ABCA13: variants seen among roughly 807,000 people sequenced by gnomAD.
ABCA13 encodes ATP binding cassette subfamily A member 13, also known as ATP-binding cassette sub-family A member 13.
In ABCA13, 476 loss-of-function variants were observed where a neutral mutation model predicts 478.7. That is an observed-to-expected ratio of 0.99 (90% confidence interval 0.92 to 1.07). The LOEUF (loss-of-function observed/expected upper bound fraction) is 1.07, where lower values mean the gene tolerates loss of function less well. Ranked by LOEUF, ABCA13 falls within the 50% of genes least tolerant of loss-of-function variation. The pLI is 0.00. For missense variants in ABCA13, 6,060 were observed against 5,910.6 expected (o/e 1.03, Z -0.83); for synonymous variants, 2,252 against 2,158.9 (o/e 1.04, Z -1.20).
intron 31 of ABCA13, among the ~76,000 whole-genome samples, chr7:48,366,818 A>G (rs573897706): frequency 7.2e-5 from 11 of 152,238 alleles, no homozygotes; most frequent in African/African-American, 1.9e-4. Flanking sequence ...ATACCATCAC[A>G]TGGGCAATTA....
intron 44 of ABCA13, among the ~76,000 whole-genome samples, chr7:48,468,344 T>C (rs1435043163): frequency 6.6e-6 from 1 of 152,216 alleles, no homozygotes; most frequent in Non-Finnish European, 1.5e-5. Context: ...ATCAGCCTCA[T>C]AGCTTTTCTC....
chr7:48,306,257 C>T (rs1800889748), intron 23 of ABCA13, among the ~76,000 whole-genome samples: 1 of 152,144 alleles, frequency 6.6e-6, no homozygotes, highest in Non-Finnish European at 1.5e-5. Flanking sequence ...AATTTCAGGA[C>T]AAATATTTTT....
At chr7:48,438,730 G>T (rs550880726) in intron 42 of ABCA13, among the ~76,000 whole-genome samples, 2 of 150,762 alleles carry the variant, frequency 1.3e-5, no homozygotes, top group African/African-American at 4.9e-5. Flanking sequence ...TCATTTTATC[G>T]CTCTCCTCTC....
At chr7:48,294,438 T>TGG (rs1422718102) in intron 20 of ABCA13, among the ~76,000 whole-genome samples, 3 of 73,254 alleles carry the variant, frequency 4.1e-5, no homozygotes, top group African/African-American at 1.5e-4. Context: ...TTTTTTTTTT[T>TGG]TTTGTTTTGT....
intron 15 of ABCA13, among the ~76,000 whole-genome samples, chr7:48,255,265 A>T (rs1472695584): frequency 6.6e-6 from 1 of 152,180 alleles, no homozygotes; most frequent in East Asian, 1.9e-4. Context: ...TGCTGACGTC[A>T]GACTAATTAG....
chr7:48,596,718 A>G (rs1490130118), intron 58 of ABCA13, among the ~76,000 whole-genome samples: 1 of 151,812 alleles, frequency 6.6e-6, no homozygotes, highest in African/African-American at 2.4e-5. Flanking sequence ...GAATGTCATG[A>G]GACCGGGAGG....
intron 19 of ABCA13, among the ~76,000 whole-genome samples, chr7:48,286,902 T>C (rs185646941): frequency 1.8e-3 from 280 of 152,350 alleles, no homozygotes; most frequent in Non-Finnish European, 3.4e-3. Flanking sequence ...ATTTTATTTC[T>C]TATAAAAATG....
intron 48 of ABCA13, among the ~76,000 whole-genome samples, chr7:48,497,796 A>G (rs748768253): frequency 1.3e-5 from 2 of 152,144 alleles, no homozygotes; most frequent in Non-Finnish European, 2.9e-5. Context: ...GGCCCTGATG[A>G]CGCTGGGGAC....
At chr7:48,249,112 T>C (rs568972728) in intron 14 of ABCA13, 100 bp from the exon 15 acceptor site, 2 of 988,832 alleles carry the variant, frequency 2.0e-6, no homozygotes, top group Non-Finnish European at 3.0e-6. Context: ...TGGACTGCCA[T>C]GCATTTGCAT....
chr7:48,457,875 A>T (rs1166417495), intron 43 of ABCA13, among the ~76,000 whole-genome samples: 1 of 152,266 alleles, frequency 6.6e-6, no homozygotes, highest in African/African-American at 2.4e-5. Flanking sequence ...AGGAAAAAGT[A>T]AAAAGCTACC....
intron 27 of ABCA13, among the ~76,000 whole-genome samples, chr7:48,330,054 CA>C (rs1379624752): frequency 6.0e-5 from 9 of 151,122 alleles, no homozygotes; most frequent in African/African-American, 2.2e-4. Context: ...TCCATCCATC[CA>C]TCCATCCATC....
At chr7:48,596,155 G>A (rs183866716) in intron 58 of ABCA13, among the ~76,000 whole-genome samples, 1 of 152,332 alleles carries the variant, frequency 6.6e-6, no homozygotes, top group African/African-American at 2.4e-5. Flanking sequence ...TGGCTGCAAA[G>A]CCAATGTATT....
At chr7:48,198,892 T>A (rs1798297074) in intron 3 of ABCA13, among the ~76,000 whole-genome samples, 1 of 152,192 alleles carries the variant, frequency 6.6e-6, no homozygotes, top group Non-Finnish European at 1.5e-5. Flanking sequence ...TGTGGTTGCC[T>A]ACAGTGTCAG....
intron 27 of ABCA13, among the ~76,000 whole-genome samples, chr7:48,324,789 C>T (rs545956488): frequency 6.6e-6 from 1 of 152,284 alleles, no homozygotes; most frequent in African/African-American, 2.4e-5. Context: ...GGCGTTTGTT[C>T]CTTGGGAACG....
At position 48,476,733 on chromosome 7, in the gene ABCA13, T is replaced by C. The variant is rs560946338; in HGVS notation, c.12976-4303T>C. Among the ~76,000 whole-genome samples the C allele has an allele frequency of 7.7e-4, 117 of 152,142 alleles. 2 individuals are homozygous for C. In the South Asian group the frequency reaches 0.015, roughly 20 times the overall value. ...TTTGTTGGGGACAGATTTTCAGAGGTGTCTAGTCCTCTGAAACTTCTAAGG... is the reference window on the plus strand; with the variant it reads ...TTTGTTGGGGACAGATTTTCAGAGGCGTCTAGTCCTCTGAAACTTCTAAGG... On this transcript the variant is annotated intron_variant, in intron 45 of 61. Transcript: ENST00000435803.
Position 48,278,885 on chromosome 7 carries a change from A to G in ABCA13, c.7691A>G (p.Gln2564Arg). The G allele has an allele frequency of 1.2e-6, 2 of 1,613,400 alleles. No homozygotes were observed. Among genetic ancestry groups the G allele is most frequent in the East Asian group, 2.2e-5 (1 of 44,876 alleles). The change falls in exon 18 of 62, where the codon CAA becomes CGA. Residue 2564 changes from glutamine (Q) to arginine (R), a missense_variant. Gln to Arg is a conservative substitution (Grantham distance 43). Transcript: ENST00000435803. ...GACACTCTGTATTCCATCATGCAACAAAGTGTTCAAAATCTTGTGAAAGAA... is the reference window on the plus strand; with the variant it reads ...GACACTCTGTATTCCATCATGCAACGAAGTGTTCAAAATCTTGTGAAAGAA... ...FFDTLYSIMQ[Q>R]SVQNLVKEIA... is the part of the protein sequence containing the mutation.
intron 15 of ABCA13, among the ~76,000 whole-genome samples, chr7:48,267,823 T>G (rs1795066356): frequency 6.6e-6 from 1 of 152,324 alleles, no homozygotes; most frequent in South Asian, 2.1e-4. Context: ...TTTCTGCTTC[T>G]TTACATGCCT....
intron 43 of ABCA13, among the ~76,000 whole-genome samples, chr7:48,456,732 T>C (rs1417512935): frequency 6.6e-6 from 1 of 152,170 alleles, no homozygotes; most frequent in Non-Finnish European, 1.5e-5. Context: ...AATGGCTCTT[T>C]AGTAGTATGT....
chr7:48,187,159 A>G (rs568657400), intron 1 of ABCA13, among the ~76,000 whole-genome samples: 1 of 149,878 alleles, frequency 6.7e-6, no homozygotes, highest in African/African-American at 2.4e-5. Context: ...TTTTAATCCT[A>G]CTTTTTTTCT....
Sources: allele counts gnomAD v4.1 joint callset (sites outside exome capture counted in the v4.1 genomes callset), GRCh38; gene constraint gnomAD v4.1.1; transcripts MANE v1.5; gene names NCBI Gene and HGNC (gene_info 2026-07-23, HGNC 2026-07-21).